The following RPRD2 variants were observed in gnomAD, a reference collection of about 807,000 sequenced individuals.
RPRD2 encodes the protein regulation of nuclear pre-mRNA domain containing 2.
In RPRD2, 12 loss-of-function variants were observed where a neutral mutation model predicts 104.4. That is an observed-to-expected ratio of 0.11 (90% confidence interval 0.07 to 0.19). The LOEUF (loss-of-function observed/expected upper bound fraction) is 0.19, where lower values mean the gene tolerates loss of function less well. Among genes scored for constraint, RPRD2 ranks in the 10% least tolerant of loss-of-function variants. The probability of loss-of-function intolerance (pLI) is 1.00; values close to 1 mark genes in which losing one functional copy is unlikely to be tolerated. For synonymous variants in RPRD2, 714 were observed against 684.9 expected, an observed-to-expected ratio of 1.04 and a Z score of -0.66; for missense variants, 1,543 against 1,790.1, an observed-to-expected ratio of 0.86 and a Z score of 2.49.
intron 2 of RPRD2, among the ~76,000 whole-genome samples, chr1:150,431,669 CAG>C (rs112585717): frequency 0.42 from 63,350 of 150,962 alleles, 14,016 homozygotes; most frequent in Non-Finnish European, 0.5. Context: ...TTAGTAGAGA[CAG>C]GGGTTCACCA....
chr1:150,438,338 T>G (rs914374917), intron 2 of RPRD2, among the ~76,000 whole-genome samples: 6 of 146,266 alleles, frequency 4.1e-5, no homozygotes, highest in African/African-American at 1.5e-4. Context: ...CAAGAATATG[T>G]TCTGAGGCCA....
intron 1 of RPRD2, among the ~76,000 whole-genome samples, chr1:150,372,403 T>C (rs1426975551): frequency 6.6e-6 from 1 of 151,702 alleles, no homozygotes; most frequent in Non-Finnish European, 1.5e-5. Flanking sequence ...GGCAGGAGAA[T>C]TGCTTGAACC....
At chr1:150,402,664 G>A (rs957112083) in intron 1 of RPRD2, among the ~76,000 whole-genome samples, 1 of 151,050 alleles carries the variant, frequency 6.6e-6, no homozygotes, top group African/African-American at 2.4e-5. Context: ...CAACAATGTG[G>A]CAAATCAAGA....
At chr1:150,449,463 T>G (rs587721386) in intron 7 of RPRD2, among the ~76,000 whole-genome samples, 2 of 152,312 alleles carry the variant, frequency 1.3e-5, no homozygotes, top group South Asian at 4.1e-4. Context: ...TTTTTGCTTT[T>G]TTTAATTAAT....
chr1:150,452,160 G>A lies in RPRD2; in HGVS notation c.871-5128G>A, dbSNP rs72696898. Among the ~76,000 whole-genome samples the A allele has an allele frequency of 6.3e-3, 422 of 67,394 alleles. 2 individuals are homozygous for A. The highest frequency in any genetic ancestry group is 0.024 in the African/African-American group (393 of 16,330). 44.2% of individuals were successfully genotyped at this position (67,394 alleles called of 152,430 possible). ...CTGTCTCAAAAAAAAAAAAAAAAAAGAGAGAGAGAGAAACTGAGAAACTGG... is the reference window on the plus strand; with the variant it reads ...CTGTCTCAAAAAAAAAAAAAAAAAAAAGAGAGAGAGAAACTGAGAAACTGG... On this transcript the variant is annotated intron_variant, in intron 7 of 10. Transcript: ENST00000369068.
chr1:150,394,961 C>G (rs1039156241), intron 1 of RPRD2, among the ~76,000 whole-genome samples: 1 of 152,112 alleles, frequency 6.6e-6, no homozygotes, highest in African/African-American at 2.4e-5. Context: ...TAAAGAACAT[C>G]TTTATGACCA....
At chr1:150,421,385 A>C (rs1343836228) in intron 2 of RPRD2, among the ~76,000 whole-genome samples, 1 of 152,228 alleles carries the variant, frequency 6.6e-6, no homozygotes, top group Non-Finnish European at 1.5e-5. Context: ...AAATGAAGAT[A>C]TATAGGGTTT....
intron 9 of RPRD2, among the ~76,000 whole-genome samples, chr1:150,462,994 A>G (rs2102419709): frequency 6.6e-6 from 1 of 152,250 alleles, no homozygotes; most frequent in South Asian, 2.1e-4. Flanking sequence ...CTGAGATCAC[A>G]CGTGTGCACC....
At chr1:150,371,016 G>A (rs1553878243) in intron 1 of RPRD2, among the ~76,000 whole-genome samples, 2 of 151,782 alleles carry the variant, frequency 1.3e-5, no homozygotes, top group African/African-American at 4.8e-5. Flanking sequence ...CTCTCCCTTA[G>A]TACTTTGAAG....
intron 1 of RPRD2, among the ~76,000 whole-genome samples, chr1:150,378,979 TAAA>T (rs782457070): frequency 6.0e-5 from 5 of 84,018 alleles, no homozygotes; most frequent in Admixed American, 1.5e-4. Context: ...GAGACTTCAT[TAAA>T]AAAAAAAAAA....
At chr1:150,447,188 C>T (rs1180859772) in intron 7 of RPRD2, among the ~76,000 whole-genome samples, 35 of 151,786 alleles carry the variant, frequency 2.3e-4, no homozygotes, top group Non-Finnish European at 4.4e-5. Context: ...TCAGGCTGGT[C>T]TTGAACTCCT....
intron 1 of RPRD2, among the ~76,000 whole-genome samples, chr1:150,365,269 G>A (rs1659749318): frequency 6.6e-6 from 1 of 152,178 alleles, no homozygotes; most frequent in Non-Finnish European, 1.5e-5. Context: ...ATTTCTTACA[G>A]GCCTTGACGT....
chr1:150,462,008 G>A (rs1553898946), intron 9 of RPRD2, among the ~76,000 whole-genome samples: 1 of 150,224 alleles, frequency 6.7e-6, no homozygotes, highest in Non-Finnish European at 1.5e-5. Flanking sequence ...ATTAGGCCAG[G>A]TTTGGTGGCT....
chr1:150,407,066 C>G (rs34247601), intron 1 of RPRD2, among the ~76,000 whole-genome samples: 33,830 of 152,126 alleles, frequency 0.22, 4,291 homozygotes, highest in African/African-American at 0.32. Context: ...ATGTACATCT[C>G]TTGATGTCTC....
chr1:150,412,564 G>A (rs1664018665), intron 1 of RPRD2, among the ~76,000 whole-genome samples: 2 of 152,126 alleles, frequency 1.3e-5, no homozygotes, highest in Non-Finnish European at 2.9e-5. Flanking sequence ...CAGGGTTTTT[G>A]GCAATTGTGA....
At chr1:150,453,973 G>A (rs1553897124) in intron 7 of RPRD2, among the ~76,000 whole-genome samples, 1 of 152,136 alleles carries the variant, frequency 6.6e-6, no homozygotes, top group Non-Finnish European at 1.5e-5. Context: ...CTGGAATGTA[G>A]ATTTTTCCCA....
At chr1:150,395,254 G>A (rs1301090750) in intron 1 of RPRD2, among the ~76,000 whole-genome samples, 1 of 152,144 alleles carries the variant, frequency 6.6e-6, no homozygotes, top group Non-Finnish European at 1.5e-5. Flanking sequence ...AACATATGAT[G>A]TTTGGTTTTC....
At chr1:150,402,310 A>G (rs1663097761) in intron 1 of RPRD2, among the ~76,000 whole-genome samples, 1 of 152,226 alleles carries the variant, frequency 6.6e-6, no homozygotes, top group African/African-American at 2.4e-5. Context: ...TCAGTTCAGC[A>G]GTTCTACTCT....
chr1:150,457,353 C>T lies in RPRD2; in HGVS notation c.936C>T (p.Thr312=). Residue 312 remains threonine (T), a synonymous_variant, in exon 8 of 11, where the codon ACC becomes ACT. Transcript: ENST00000369068. ...AGAAGTTGGATCAATTGAAGTCAAC[C>T]CTTCCAGATCCTGAAGAATCACCAG... is the stretch of plus-strand genomic sequence containing the variant. ...LKKKLDQLKS[T]LPDPEESPVP... The T allele has an allele frequency of 3.7e-6, 6 of 1,606,604 alleles. No individual in the cohort carries two copies. The highest frequency in any genetic ancestry group is 1.3e-5 in the African/African-American group (1 of 74,844).
Sources: gnomAD v4.1 joint callset for allele counts (sites outside exome capture counted in the v4.1 genomes callset) on GRCh38, gnomAD v4.1.1 for gene constraint, MANE v1.5 for transcripts, NCBI Gene and HGNC (gene_info 2026-07-23, HGNC 2026-07-21) for gene names.